The following DSCAML1 variants were observed in gnomAD, a reference collection of about 807,000 sequenced individuals.
DSCAML1 encodes the protein DS cell adhesion molecule like 1, also known as cell adhesion molecule DSCAML1.
In DSCAML1, 38 loss-of-function variants were observed where a neutral mutation model predicts 200.5. The ratio of observed to expected loss-of-function variants is 0.19; its 90% CI spans 0.15 to 0.25. The LOEUF is 0.25. Among genes scored for constraint, DSCAML1 ranks in the 10% least tolerant of loss-of-function variants. The pLI, the probability that DSCAML1 is intolerant of heterozygous loss-of-function variation, is 1.00. For synonymous variants in DSCAML1, 1,215 were observed against 1,165.0 expected, an observed-to-expected ratio of 1.04 and a Z score of -0.87; for missense variants, 2,223 against 2,858.8, an observed-to-expected ratio of 0.78 and a Z score of 5.07.
chr11:117,529,401 T>A (rs540179829), intron 4 of DSCAML1, among the ~76,000 whole-genome samples: 45 of 152,256 alleles, frequency 3.0e-4, no homozygotes, highest in African/African-American at 1.1e-3. Context: ...GATATTCTGT[T>A]TCATTCTCAT....
intron 3 of DSCAML1, among the ~76,000 whole-genome samples, chr11:117,679,811 G>A (rs950420641): frequency 1.3e-5 from 2 of 152,194 alleles, no homozygotes; most frequent in Admixed American, 6.5e-5. Context: ...AACTTTTCCC[G>A]TTAGAATGTA....
At chr11:117,727,707 A>G (rs1012153196) in intron 3 of DSCAML1, among the ~76,000 whole-genome samples, 1 of 152,236 alleles carries the variant, frequency 6.6e-6, no homozygotes, top group Non-Finnish European at 1.5e-5. Flanking sequence ...CCACAGGAGA[A>G]TACAGCTAGT....
At position 117,498,493 on chromosome 11, in the gene DSCAML1, C is replaced by T. The variant is rs971686915; in HGVS notation, c.2359+5352G>A. On this transcript the variant is annotated intron_variant, in intron 11 of 32. Transcript: ENST00000651296. The surrounding 1 kb of genome is among the most constrained non-coding windows in gnomAD (Gnocchi z 4.0). ...GCCATTTTCTCAGGCTCATAGACTCCTTGCCCTGTGGAAGGGGTGGGGGCC... is the reference window on the plus strand; with the variant it reads ...GCCATTTTCTCAGGCTCATAGACTCTTTGCCCTGTGGAAGGGGTGGGGGCC... Among the ~76,000 whole-genome samples, 3 of 152,206 alleles carry T rather than the reference C, an allele frequency of 2.0e-5. No homozygotes were observed. In the South Asian group the frequency reaches 6.2e-4, roughly 32 times the overall value.
chr11:117,725,321 G>T (rs1367131332), intron 3 of DSCAML1, among the ~76,000 whole-genome samples: 1 of 152,148 alleles, frequency 6.6e-6, no homozygotes, highest in Non-Finnish European at 1.5e-5. Flanking sequence ...GAAGCTCAGA[G>T]TGCACGACTT....
At position 117,492,697 on chromosome 11, in the gene DSCAML1, G is replaced by A. The variant is rs763576064; in HGVS notation, c.2360-10535C>T. Reference sequence around the variant, plus strand: ...GTGTGAGATAAGCCGCCACAAAGGGGCATTGTTGGCGCGCCGGGTGGTCGG... The same window carrying A: ...GTGTGAGATAAGCCGCCACAAAGGGACATTGTTGGCGCGCCGGGTGGTCGG... On this transcript the variant is annotated intron_variant, in intron 11 of 32. Coordinates refer to ENST00000651296, the MANE Select transcript of DSCAML1 (RefSeq NM_020693.4). 3.9e-5 allele frequency among the ~76,000 whole-genome samples: 6 copies of A among 152,206 alleles called. 1 individual carries two copies. The highest frequency in any genetic ancestry group is 2.0e-4 in the Admixed American group (3 of 15,288).
At chr11:117,564,304 A>C (rs766438124) in intron 3 of DSCAML1, among the ~76,000 whole-genome samples, 1 of 152,096 alleles carries the variant, frequency 6.6e-6, no homozygotes, top group Non-Finnish European at 1.5e-5. Context: ...GATGGAATCC[A>C]TTTCTCTACC....
At chr11:117,549,444 C>T (rs982904158) in intron 3 of DSCAML1, among the ~76,000 whole-genome samples, 1 of 152,236 alleles carries the variant, frequency 6.6e-6, no homozygotes, top group African/African-American at 2.4e-5. Context: ...GTGGCAAGTA[C>T]GTGGCTCTGA....
chr11:117,467,056 A>G (rs868269761), intron 16 of DSCAML1, among the ~76,000 whole-genome samples: 4 of 152,120 alleles, frequency 2.6e-5, no homozygotes, highest in Non-Finnish European at 4.4e-5. Flanking sequence ...GGCTGGTGGG[A>G]ATGAAGACTG....
chr11:117,443,154 G>A (rs936444746), intron 21 of DSCAML1, among the ~76,000 whole-genome samples: 38 of 152,200 alleles, frequency 2.5e-4, no homozygotes, highest in African/African-American at 9.2e-4. Flanking sequence ...GAGGCCCAAC[G>A]GCAAGTAGAG....
chr11:117,813,347 G>C (rs1256557222), intron 1 of DSCAML1, among the ~76,000 whole-genome samples: 3 of 152,252 alleles, frequency 2.0e-5, no homozygotes, highest in South Asian at 2.1e-4. Flanking sequence ...ACTATCTTCT[G>C]TCTAGTCATA....
At chr11:117,495,952 C>T (rs2049281925) in intron 11 of DSCAML1, among the ~76,000 whole-genome samples, 1 of 152,212 alleles carries the variant, frequency 6.6e-6, no homozygotes, top group Non-Finnish European at 1.5e-5. Context: ...TAGTCTCCAG[C>T]AGCCTCCGTC....
rs1282759865 is a variant in DSCAML1 at position 117,504,055 on chromosome 11, T to C, written c.2183-34A>G. On this transcript the variant is annotated intron_variant, in intron 10 of 32. Coordinates refer to ENST00000651296, the MANE Select transcript of DSCAML1 (RefSeq NM_020693.4). The surrounding 1 kb of genome is among the most constrained non-coding windows in gnomAD (Gnocchi z 5.0). ...AGGCAGCTGTTAGGAGGGCTGAGTC[T>C]GCACTGGGGCATAAGCTGAGAGTGC... is the stretch of plus-strand genomic sequence containing the variant. 1 of 1,608,064 alleles carries C rather than the reference T, an allele frequency of 6.2e-7. No homozygotes were observed. Among genetic ancestry groups the C allele is most frequent in the South Asian group, 1.1e-5 (1 of 90,384 alleles).
intron 3 of DSCAML1, among the ~76,000 whole-genome samples, chr11:117,745,326 A>T (rs2054500364): frequency 6.6e-6 from 1 of 152,258 alleles, no homozygotes; most frequent in Admixed American, 6.5e-5. Context: ...GTCAATTAAG[A>T]AAAAACAACA....
chr11:117,640,331 C>A (rs554887640), intron 3 of DSCAML1, among the ~76,000 whole-genome samples: 198 of 152,312 alleles, frequency 1.3e-3, no homozygotes, highest in Admixed American at 3.6e-3. Context: ...CTGGGAGAAC[C>A]CTGACACCCT....
At chr11:117,649,264 G>T (rs575677909) in intron 3 of DSCAML1, among the ~76,000 whole-genome samples, 301 of 152,190 alleles carry the variant, frequency 2.0e-3, no homozygotes, top group African/African-American at 6.7e-3. Context: ...TTTTAGTAGA[G>T]ACGAGGTTTC....
intron 1 of DSCAML1, among the ~76,000 whole-genome samples, chr11:117,785,999 T>A (rs2134062431): frequency 6.6e-6 from 1 of 152,278 alleles, no homozygotes; most frequent in East Asian, 1.9e-4. Context: ...TGAAGAAGTT[T>A]CCCCTCATGC....
At chr11:117,755,853 C>T (rs1351959416) in intron 3 of DSCAML1, among the ~76,000 whole-genome samples, 6 of 152,094 alleles carry the variant, frequency 3.9e-5, no homozygotes, top group Non-Finnish European at 8.8e-5. Flanking sequence ...GACATTGCAC[C>T]TGTACCCCTC....
At chr11:117,513,529 T>G (rs1050934200) in intron 8 of DSCAML1, among the ~76,000 whole-genome samples, 1 of 151,694 alleles carries the variant, frequency 6.6e-6, no homozygotes, top group Admixed American at 6.6e-5. Flanking sequence ...TCACCTGAGG[T>G]CAGGAGTCCG....
At chr11:117,440,512 C>A (rs1264194760) in intron 21 of DSCAML1, among the ~76,000 whole-genome samples, 2 of 152,140 alleles carry the variant, frequency 1.3e-5, no homozygotes. Context: ...CTGGGGTAAC[C>A]AAAGCTTGAG....
Sources: allele counts gnomAD v4.1 joint callset (sites outside exome capture counted in the v4.1 genomes callset), GRCh38; gene constraint gnomAD v4.1.1; non-coding constraint Gnocchi (gnomAD v3.1); transcripts MANE v1.5; gene names NCBI Gene and HGNC (gene_info 2026-07-23, HGNC 2026-07-21).